Variants in INO80 observed in about 807,000 individuals in gnomAD.
INO80 encodes the protein chromatin-remodeling ATPase INO80.
INO80 carries 20 observed loss-of-function variants against 203.4 expected under a neutral mutation model. The ratio of observed to expected loss-of-function variants is 0.10; its 90% CI spans 0.07 to 0.14. The LOEUF is 0.14. Ranked by LOEUF, INO80 falls within the 10% of genes least tolerant of loss-of-function variation. The pLI is 1.00. For synonymous variants in INO80, 726 were observed against 685.2 expected, an observed-to-expected ratio of 1.06 and a Z score of -0.93; for missense variants, 1,419 against 1,914.4, an observed-to-expected ratio of 0.74 and a Z score of 4.83.
At chr15:41,023,369 A>G (rs1457621319) in intron 25 of INO80, 1 of 415,820 alleles carries the variant, frequency 2.4e-6, no homozygotes, top group East Asian at 7.7e-5. Context: ...TAGCAGCTAT[A>G]CTTCTATAAA....
At chr15:41,039,199 C>A (rs1465282798) in intron 24 of INO80, among the ~76,000 whole-genome samples, 1 of 152,130 alleles carries the variant, frequency 6.6e-6, no homozygotes, top group Admixed American at 6.5e-5. Context: ...GCTGGTCTTG[C>A]CTCCTGGCTC....
chr15:40,983,128 T>C, intron 34 of INO80, 51 bp from the exon 35 acceptor site: 1 of 1,423,534 alleles, frequency 7.0e-7, no homozygotes, highest in Non-Finnish European at 9.7e-7. Context: ...AAAGTCAATC[T>C]CCAAGATGTT....
Position 40,987,186 on chromosome 15 carries a change from C to A in INO80, c.3737G>T (p.Arg1246Leu). Residue 1246 changes from arginine (R) to leucine (L), a missense_variant, in exon 31 of 36, where the codon CGG (arginine) becomes CTG (leucine). Transcript: ENST00000648947. ...QRAKEKSEIQRMVISGGNFKP... is the reference protein window; with the variant it reads ...QRAKEKSEIQLMVISGGNFKP... Reference sequence around the variant, plus strand: ...GAAGTTCCCACCTGAAATCACCATCCGCTGAATCTACACCAAAGCAGATCA... The same window carrying A: ...GAAGTTCCCACCTGAAATCACCATCAGCTGAATCTACACCAAAGCAGATCA... 1 of 1,602,124 alleles carries A rather than the reference C, an allele frequency of 6.2e-7. No individual in the cohort carries two copies. Among genetic ancestry groups the A allele is most frequent in the South Asian group, 1.1e-5 (1 of 90,790 alleles).
At chr15:41,040,671 G>C (rs2044652217) in intron 24 of INO80, among the ~76,000 whole-genome samples, 1 of 152,018 alleles carries the variant, frequency 6.6e-6, no homozygotes, top group Non-Finnish European at 1.5e-5. Context: ...CAGAGTTCGA[G>C]GCCGGCCTGA....
At chr15:41,058,522 A>T in intron 16 of INO80, 117 bp downstream of exon 16, 1 of 944,698 alleles carries the variant, frequency 1.1e-6, no homozygotes, top group Non-Finnish European at 1.5e-6. Context: ...AAAACTTCTC[A>T]TATCTTGATT....
intron 24 of INO80, among the ~76,000 whole-genome samples, chr15:41,038,998 T>G (rs1350596340): frequency 6.6e-6 from 1 of 152,234 alleles, no homozygotes; most frequent in African/African-American, 2.4e-5. Flanking sequence ...GACGACAAGC[T>G]TATTATCTAA....
intron 24 of INO80, 122 bp downstream of exon 24, chr15:41,044,782 C>T: frequency 1.3e-6 from 1 of 758,412 alleles, no homozygotes; most frequent in Non-Finnish European, 2.1e-6. Flanking sequence ...GCTGCACCGC[C>T]CACTCCTCTG....
At chr15:41,070,422 C>T (rs1338176603) in intron 13 of INO80, 45 bp downstream of exon 13, 1 of 1,525,736 alleles carries the variant, frequency 6.6e-7, no homozygotes, top group African/African-American at 1.4e-5. Flanking sequence ...CAGAAATTAC[C>T]CTAAATTCTA....
At chr15:41,038,925 C>T (rs1255250470) in intron 24 of INO80, among the ~76,000 whole-genome samples, 4 of 152,206 alleles carry the variant, frequency 2.6e-5, no homozygotes, top group Admixed American at 2.6e-4. Context: ...TGGCTACCAA[C>T]ACTTGACCCC....
intron 14 of INO80, among the ~76,000 whole-genome samples, chr15:41,065,760 C>T (rs2045199284): frequency 6.6e-6 from 1 of 152,108 alleles, no homozygotes; most frequent in South Asian, 2.1e-4. Context: ...AAACTTTATA[C>T]TCAGTAAAAG....
intron 1 of INO80, among the ~76,000 whole-genome samples, chr15:41,110,185 G>A (rs1322617139): frequency 6.6e-6 from 1 of 151,542 alleles, no homozygotes; most frequent in Non-Finnish European, 1.5e-5. Context: ...CCCCTCTGTC[G>A]CCAGGCTGGA....
chr15:41,086,347 T>C (rs1341996553), intron 6 of INO80, among the ~76,000 whole-genome samples: 2 of 152,114 alleles, frequency 1.3e-5, no homozygotes, highest in Admixed American at 6.6e-5. Context: ...AGGAGCCTTT[T>C]TGAGTACAAT....
chr15:41,064,279 A>C (rs2045169930), intron 14 of INO80, among the ~76,000 whole-genome samples: 1 of 152,262 alleles, frequency 6.6e-6, no homozygotes, highest in African/African-American at 2.4e-5. Flanking sequence ...CAAAGTATTA[A>C]AGTCATAAAA....
intron 26 of INO80, chr15:41,018,420 C>T (rs917040500): frequency 6.6e-6 from 1 of 152,170 alleles, no homozygotes; most frequent in Non-Finnish European, 1.5e-5. Context: ...TGTGCATATA[C>T]TTATAAAGAC....
intron 14 of INO80, among the ~76,000 whole-genome samples, chr15:41,064,880 C>T (rs1209115137): frequency 2.6e-5 from 4 of 151,882 alleles, no homozygotes; most frequent in Admixed American, 2.0e-4. Context: ...TCCTGTAGTC[C>T]CAGTTACACG....
At chr15:41,005,397 TTC>T (rs2044026512) in intron 28 of INO80, 194 bp downstream of exon 28, 4 of 502,148 alleles carry the variant, frequency 8.0e-6, no homozygotes, top group African/African-American at 2.0e-5. Context: ...ATCAGGTATA[TTC>T]TCTTTTTCTC....
chr15:41,055,655 T>A (rs780383310), intron 17 of INO80, among the ~76,000 whole-genome samples: 3 of 152,104 alleles, frequency 2.0e-5, no homozygotes, highest in African/African-American at 4.8e-5. Context: ...GTTTTAACGA[T>A]CTTCTTATAA....
intron 19 of INO80, among the ~76,000 whole-genome samples, chr15:41,051,305 C>T (rs1185927114): frequency 6.6e-6 from 1 of 151,716 alleles, no homozygotes; most frequent in Admixed American, 6.6e-5. Flanking sequence ...TGCCTAGCCC[C>T]CCATTCCCAC....
In INO80 at chr15:41,051,315, CCAT is replaced by C. The variant is rs1196836459; in HGVS notation, c.2275-1216_2275-1214del. On this transcript the variant is annotated intron_variant, in intron 19 of 35. Transcript: ENST00000648947. ...CTTGTTGCCTAGCCCCCCATTCCCA[CCAT>C]ATTTTCCTAGTAAATGCCAACTCAT... 7.9e-5 allele frequency among the ~76,000 whole-genome samples: 12 copies of C among 151,882 alleles called. No homozygotes were observed. In the South Asian group the frequency reaches 2.3e-3, roughly 29 times the overall value.
Sources: allele counts gnomAD v4.1 joint callset (sites outside exome capture counted in the v4.1 genomes callset), GRCh38; gene constraint gnomAD v4.1.1; transcripts MANE v1.5; gene names NCBI Gene and HGNC (gene_info 2026-07-23, HGNC 2026-07-21).